Variants in ZNF562 observed in about 807,000 individuals in gnomAD.
The protein encoded by ZNF562 is zinc finger protein 562.
Under a neutral mutation model 17.5 loss-of-function variants are expected in ZNF562, and 13 were observed. That is an observed-to-expected ratio of 0.74 (90% confidence interval 0.48 to 1.18). ZNF562 has a LOEUF of 1.18. Ranked by LOEUF, ZNF562 falls within the 50% of genes most tolerant of loss-of-function variation. The probability of loss-of-function intolerance (pLI) is 0.00; values close to 1 mark genes in which losing one functional copy is unlikely to be tolerated. For synonymous variants in ZNF562, 163 were observed against 165.4 expected, an observed-to-expected ratio of 0.99 and a Z score of 0.11; for missense variants, 481 against 498.5, an observed-to-expected ratio of 0.96 and a Z score of 0.33.
chr19:9,644,131 T>C lies in ZNF562; in HGVS notation c.*8818A>G, dbSNP rs1184339590. ...TTTGTACCAATATTCATTACCAATA[T>C]AATTCTGTAGTTTTTAATGACTGTA... On this transcript the variant is annotated 3_prime_UTR_variant, in exon 6 of 6. Transcript: ENST00000453372. The C allele has an allele frequency of 6.6e-6, 1 of 151,998 alleles. No homozygotes were observed. The highest frequency in any genetic ancestry group is 1.5e-5 in the Non-Finnish European group (1 of 68,004). 9.4% of individuals were successfully genotyped at this position (151,998 alleles called of 1,614,324 possible). A position where few individuals can be genotyped will look rare whatever the true frequency, so the allele number is the denominator to read the frequency against.
At chr19:9,669,781 G>A (rs1008334874) in intron 1 of ZNF562, among the ~76,000 whole-genome samples, 5 of 124,942 alleles carry the variant, frequency 4.0e-5, no homozygotes, top group Admixed American at 7.8e-5. Context: ...CACACAACCA[G>A]TCAGGGACAG....
At chr19:9,672,440 TGAG>T (rs1323560403) in intron 1 of ZNF562, among the ~76,000 whole-genome samples, 5 of 152,154 alleles carry the variant, frequency 3.3e-5, no homozygotes, top group Non-Finnish European at 7.3e-5. Flanking sequence ...AAGATTTACA[TGAG>T]GAGAAAGAAA....
At chr19:9,672,285 A>G (rs1423546636) in intron 1 of ZNF562, among the ~76,000 whole-genome samples, 1 of 152,214 alleles carries the variant, frequency 6.6e-6, no homozygotes, top group Non-Finnish European at 1.5e-5. Flanking sequence ...ATTAGATGAC[A>G]TTATTATTTT....
rs755718164 is a variant in ZNF562, at chr19:9,652,214, GACAGA to G, written c.*730_*734del. 2.3e-4 allele frequency: 35 copies of G among 152,176 alleles called. No individual in the cohort carries two copies. The highest frequency in any genetic ancestry group is 7.0e-4 in the African/African-American group (29 of 41,434). 9.4% of individuals were successfully genotyped at this position (152,176 alleles called of 1,614,324 possible). ...TGTGCCACCTAAAATGGACAGAGAAGACAGAACAGAACAGTCAAGGTTGTCACACT... is the reference window on the plus strand; with the variant it reads ...TGTGCCACCTAAAATGGACAGAGAAGACAGAACAGTCAAGGTTGTCACACT... On this transcript the variant is annotated 3_prime_UTR_variant, in exon 6 of 6. Coordinates refer to ENST00000453372, the MANE Select transcript of ZNF562 (RefSeq NM_001130031.2).
rs1323531021 is a variant in ZNF562 at position 9,669,737 on chromosome 19, C to CACAT, written c.-131+5277_-131+5278insATGT. ...GCGCGAGCGCGCGCGCGCGCGCGCA[C>CACAT]ACACACACACACACACACACACACA... On this transcript the variant is annotated intron_variant, in intron 1 of 5. Coordinates refer to ENST00000453372, the MANE Select transcript of ZNF562 (RefSeq NM_001130031.2). Among the ~76,000 whole-genome samples the CACAT allele has an allele frequency of 4.6e-5, 4 of 87,186 alleles. No individual in the cohort carries two copies. The Admixed American group carries it at 5.6e-4, about 12-fold the overall frequency. The allele number at this position is 87,186 out of a possible 152,430, so 57.2% of individuals were successfully genotyped here.
Position 9,642,300 on chromosome 19 carries a change from A to AC in ZNF562, c.*10648_*10649insG, listed in dbSNP as rs1568249165. On this transcript the variant is annotated 3_prime_UTR_variant, in exon 6 of 6. Transcript: ENST00000453372. ...CTTTTTTTTCTTTAAAAAAAAAAAA[A>AC]AAAACAGGGTTTCACTCTGTCACAC... is the stretch of plus-strand genomic sequence containing the variant. 1.3e-5 allele frequency: 2 copies of AC among 151,884 alleles called. No homozygotes were observed. Among genetic ancestry groups the AC allele is most frequent in the South Asian group, 2.1e-4 (1 of 4,814 alleles). The allele number at this position is 151,884 out of a possible 1,614,324, so 9.4% of individuals were successfully genotyped here. A position where few individuals can be genotyped will look rare whatever the true frequency, so the allele number is the denominator to read the frequency against.
Position 9,670,795 on chromosome 19 carries a change from C to T in ZNF562, c.-131+4220G>A, listed in dbSNP as rs150076062. Among the ~76,000 whole-genome samples the T allele has an allele frequency of 5.0e-3, 761 of 152,094 alleles. 7 individuals are homozygous for T. Among genetic ancestry groups the T allele is most frequent in the African/African-American group, 0.017 (725 of 41,482 alleles). On this transcript the variant is annotated intron_variant, in intron 1 of 5. Coordinates refer to ENST00000453372, the MANE Select transcript of ZNF562 (RefSeq NM_001130031.2). ...CCCTGATTATGTGAGATCAGGAGTT[C>T]GAGACCAACCTGTCCAATATGGTAA... is the stretch of plus-strand genomic sequence containing the variant.
intron 2 of ZNF562, among the ~76,000 whole-genome samples, chr19:9,660,393 G>A (rs568063490): frequency 3.7e-4 from 57 of 152,182 alleles, no homozygotes; most frequent in African/African-American, 1.3e-3. Flanking sequence ...TTGGGAGGCC[G>A]AGGCAGGCAA....
At chr19:9,663,686 T>C (rs1156523715) in intron 1 of ZNF562, among the ~76,000 whole-genome samples, 8 of 152,078 alleles carry the variant, frequency 5.3e-5, no homozygotes. Context: ...TCTTTTTCTT[T>C]TTTTTTCTGA....
chr19:9,660,618 A>C (rs1416265553), intron 2 of ZNF562, 102 bp downstream of exon 2: 1 of 1,252,590 alleles, frequency 8.0e-7, no homozygotes, highest in Non-Finnish European at 1.1e-6. Flanking sequence ...AAGAAAAAAA[A>C]AAAAAGCAGC....
intron 1 of ZNF562, among the ~76,000 whole-genome samples, chr19:9,666,887 C>T (rs2043976926): frequency 6.6e-6 from 1 of 152,068 alleles, no homozygotes; most frequent in South Asian, 2.1e-4. Flanking sequence ...AAATGAATCC[C>T]ATCAAAGAAA....
At chr19:9,662,330 T>G (rs1353930536) in intron 1 of ZNF562, among the ~76,000 whole-genome samples, 2 of 152,090 alleles carry the variant, frequency 1.3e-5, no homozygotes, top group African/African-American at 4.8e-5. Context: ...TCTCAGTACT[T>G]TGGGAGGCTG....
At chr19:9,666,323 CAAAA>C (rs112849375) in intron 1 of ZNF562, among the ~76,000 whole-genome samples, 2 of 79,628 alleles carry the variant, frequency 2.5e-5, no homozygotes, top group Non-Finnish European at 5.7e-5. Flanking sequence ...ACCTCCGTCT[CAAAA>C]AAAAAAAAAA....
intron 4 of ZNF562, among the ~76,000 whole-genome samples, chr19:9,656,870 A>AT (rs1460611384): frequency 1.5e-4 from 20 of 136,774 alleles, no homozygotes; most frequent in African/African-American, 5.2e-4. Context: ...TAAAATACAA[A>AT]AATATATATA....
intron 1 of ZNF562, among the ~76,000 whole-genome samples, chr19:9,664,673 C>T (rs1004302749): frequency 1.3e-5 from 2 of 152,180 alleles, no homozygotes; most frequent in African/African-American, 4.8e-5. Flanking sequence ...GATGCAGTAG[C>T]TCACACCTAT....
chr19:9,659,445 G>C lies in ZNF562; in HGVS notation c.48C>G (p.Ile16Met), dbSNP rs2043640276. Residue 16 changes from isoleucine to methionine, a missense_variant, in exon 3 of 6, where the codon ATC becomes ATG. Physicochemically the swap from Ile to Met is conservative, Grantham distance 10 (BLOSUM62 1). This residue lies in a region of ZNF562 where 403 missense variants were observed against 386.4 expected (regional missense o/e 1.04). Coordinates refer to ENST00000453372, the MANE Select transcript of ZNF562 (RefSeq NM_001130031.2). Reference sequence around the variant, plus strand: ...TCTTTGTCTTTTCTTCAAAAGGACAGATTGGTTCCCTGGGAAAAAACCCTA... The same window carrying C: ...TCTTTGTCTTTTCTTCAAAAGGACACATTGGTTCCCTGGGAAAAAACCCTA... ...MSHGFFPREPICPFEEKTKIG... is the reference protein window; with the variant it reads ...MSHGFFPREPMCPFEEKTKIG... 1 of 1,551,294 alleles carries C rather than the reference G, an allele frequency of 6.4e-7. No individual in the cohort carries two copies.
At chr19:9,669,259 CA>C (rs970513987) in intron 1 of ZNF562, among the ~76,000 whole-genome samples, 33 of 151,376 alleles carry the variant, frequency 2.2e-4, no homozygotes, top group African/African-American at 8.0e-4. Context: ...AACTTGATAA[CA>C]AAAAAAATCC....
chr19:9,655,868 G>A (rs1461031208), intron 5 of ZNF562, among the ~76,000 whole-genome samples: 3 of 150,706 alleles, frequency 2.0e-5, no homozygotes, highest in Non-Finnish European at 4.4e-5. Context: ...GAGTAACTAG[G>A]ATAACGGGTG....
intron 5 of ZNF562, 40 bp downstream of exon 5, chr19:9,656,507 A>C (rs1459497418): frequency 3.7e-6 from 6 of 1,606,974 alleles, no homozygotes; most frequent in Non-Finnish European, 4.3e-6. Flanking sequence ...TCCGTCTCAA[A>C]AAACAGAAGA....
Sources: gnomAD v4.1 joint callset for allele counts (sites outside exome capture counted in the v4.1 genomes callset) on GRCh38, gnomAD v4.1.1 for gene constraint, gnomAD v4.1.1 regional missense constraint, MANE v1.5 for transcripts, NCBI Gene and HGNC (gene_info 2026-07-23, HGNC 2026-07-21) for gene names.